The following FHIT variants were observed in gnomAD, a reference collection of about 807,000 sequenced individuals.
FHIT encodes bis(5'-adenosyl)-triphosphatase.
In FHIT, 19 loss-of-function variants were observed where a neutral mutation model predicts 17.9. That is an observed-to-expected ratio of 1.06 (90% CI 0.74 to 1.56). FHIT has a LOEUF of 1.56. FHIT is among the 40% of genes most tolerant of loss of function. FHIT has a pLI of 0.00. For synonymous variants in FHIT, 81 were observed against 69.7 expected (o/e 1.16, Z -0.81); for missense variants, 248 against 189.2 (o/e 1.31, Z -1.82).
chr3:59,765,722 C>T (rs1444441024), intron 8 of FHIT, among the ~76,000 whole-genome samples: 2 of 152,190 alleles, frequency 1.3e-5, no homozygotes, highest in East Asian at 3.8e-4. Flanking sequence ...AACAATATGA[C>T]TGCCAGGTAT....
At chr3:60,120,669 T>A (rs1212271483) in intron 5 of FHIT, among the ~76,000 whole-genome samples, 8 of 152,092 alleles carry the variant, frequency 5.3e-5, no homozygotes, top group Admixed American at 5.2e-4. Context: ...AACAGCCTAT[T>A]TTAAAATATT....
intron 3 of FHIT, among the ~76,000 whole-genome samples, chr3:61,012,203 A>G (rs1559908435): frequency 6.6e-6 from 1 of 152,166 alleles, no homozygotes. Flanking sequence ...CAGATTCAAT[A>G]TGGCACCTCT....
intron 8 of FHIT, among the ~76,000 whole-genome samples, chr3:59,870,831 T>C (rs1232238026): frequency 1.3e-5 from 2 of 151,942 alleles, no homozygotes; most frequent in Non-Finnish European, 2.9e-5. Flanking sequence ...ATATTGATAC[T>C]TCTCAAATCA....
intron 5 of FHIT, among the ~76,000 whole-genome samples, chr3:60,151,417 T>G (rs775642984): frequency 1.3e-5 from 2 of 152,110 alleles, no homozygotes; most frequent in African/African-American, 2.4e-5. Context: ...TTCCAAAGCC[T>G]CCTAATCAGT....
At chr3:60,493,478 TATCA>T (rs2034153438) in intron 5 of FHIT, among the ~76,000 whole-genome samples, 1 of 152,158 alleles carries the variant, frequency 6.6e-6, no homozygotes, top group African/African-American at 2.4e-5. Flanking sequence ...CAAATCAAAT[TATCA>T]ACAAGCAATA....
intron 4 of FHIT, among the ~76,000 whole-genome samples, chr3:60,710,539 G>A (rs868927325): frequency 5.9e-5 from 9 of 152,162 alleles, no homozygotes; most frequent in African/African-American, 9.7e-5. Context: ...GGTGACAGAC[G>A]GCACCTGGAA....
intron 5 of FHIT, among the ~76,000 whole-genome samples, chr3:60,102,388 G>A (rs372804424): frequency 5.3e-5 from 8 of 152,148 alleles, no homozygotes; most frequent in African/African-American, 1.9e-4. Flanking sequence ...GGTGAGACAT[G>A]GAAGCAACGA....
intron 5 of FHIT, among the ~76,000 whole-genome samples, chr3:60,177,133 A>G (rs957090387): frequency 2.0e-5 from 3 of 152,182 alleles, no homozygotes; most frequent in Non-Finnish European, 4.4e-5. Flanking sequence ...ATTTATGTAC[A>G]AAACCACAAA....
intron 5 of FHIT, among the ~76,000 whole-genome samples, chr3:60,050,214 G>A (rs1022837881): frequency 5.9e-5 from 9 of 151,990 alleles, no homozygotes; most frequent in African/African-American, 1.4e-4. Flanking sequence ...GCTATTATAC[G>A]TATCTCCAAT....
At chr3:60,828,143 G>T (rs1702192014) in intron 3 of FHIT, among the ~76,000 whole-genome samples, 2 of 152,134 alleles carry the variant, frequency 1.3e-5, no homozygotes, top group African/African-American at 4.8e-5. Flanking sequence ...TCCTCATTAA[G>T]TTATTAGGGG....
At chr3:61,158,066 G>A (rs765494464) in intron 2 of FHIT, among the ~76,000 whole-genome samples, 11 of 152,112 alleles carry the variant, frequency 7.2e-5, no homozygotes, top group Non-Finnish European at 1.5e-4. Flanking sequence ...CTACCTCTGT[G>A]ACCTGAGGTC....
intron 8 of FHIT, among the ~76,000 whole-genome samples, chr3:59,762,746 T>C (rs1037747976): frequency 2.0e-5 from 3 of 151,972 alleles, no homozygotes; most frequent in African/African-American, 4.8e-5. Context: ...GAGGGGAAAA[T>C]TGCATCTCAG....
intron 5 of FHIT, among the ~76,000 whole-genome samples, chr3:60,498,157 G>C (rs1200155018): frequency 1.3e-5 from 2 of 152,128 alleles, no homozygotes; most frequent in African/African-American, 2.4e-5. Context: ...CCAACACCAA[G>C]ATGGACAGCA....
chr3:60,341,447 A>T (rs930381414), intron 5 of FHIT, among the ~76,000 whole-genome samples: 22 of 152,252 alleles, frequency 1.4e-4, no homozygotes, highest in Admixed American at 1.4e-3. Context: ...GCCCACGTGG[A>T]GACAAAGGCA....
chr3:59,858,926 T>C (rs77110379), intron 8 of FHIT, among the ~76,000 whole-genome samples: 8,566 of 152,218 alleles, frequency 0.056, 310 homozygotes, highest in Non-Finnish European at 0.08. Flanking sequence ...AATAAGTGTG[T>C]GTTTGTGTGG....
chr3:60,887,387 G>A (rs964548000), intron 3 of FHIT, among the ~76,000 whole-genome samples: 1 of 152,184 alleles, frequency 6.6e-6, no homozygotes, highest in Admixed American at 6.5e-5. Flanking sequence ...CCTTACGCCT[G>A]TAATCCCAGC....
intron 4 of FHIT, among the ~76,000 whole-genome samples, chr3:60,603,479 T>C (rs561164138): frequency 6.6e-6 from 1 of 152,272 alleles, no homozygotes; most frequent in African/African-American, 2.4e-5. Flanking sequence ...TTTAGAACGA[T>C]GCTCTTCAAC....
At chr3:60,833,467 T>A (rs1367826772) in intron 3 of FHIT, among the ~76,000 whole-genome samples, 1 of 152,200 alleles carries the variant, frequency 6.6e-6, no homozygotes, top group Non-Finnish European at 1.5e-5. Flanking sequence ...ACCGTTTCTC[T>A]CCCCTTTTAA....
intron 5 of FHIT, among the ~76,000 whole-genome samples, chr3:60,052,812 A>G (rs1054582690): frequency 4.0e-5 from 6 of 148,664 alleles, no homozygotes; most frequent in African/African-American, 7.3e-5. Flanking sequence ...ATATATAAGT[A>G]TATATTACAC....
Sources: gnomAD v4.1 joint callset for allele counts (sites outside exome capture counted in the v4.1 genomes callset) on GRCh38, gnomAD v4.1.1 for gene constraint, MANE v1.5 for transcripts, NCBI Gene and HGNC (gene_info 2026-07-23, HGNC 2026-07-21) for gene names.